The following RTP3 variants were observed in gnomAD, a reference collection of about 807,000 sequenced individuals.
RTP3 encodes receptor transporter protein 3.
A neutral mutation model predicts 6.2 loss-of-function variants in RTP3; 2 were observed. That is an observed-to-expected ratio of 0.32 (90% CI 0.13 to 1.02). RTP3 has a LOEUF of 1.02. Among genes scored for constraint, RTP3 ranks in the 50% least tolerant of loss-of-function variants. The probability of loss-of-function intolerance (pLI) is 0.47; values close to 1 mark genes in which losing one functional copy is unlikely to be tolerated. For synonymous variants in RTP3, 106 were observed against 98.3 expected (o/e 1.08, Z -0.47); for missense variants, 252 against 280.8 (o/e 0.90, Z 0.73).
At position 46,500,247 on chromosome 3, in the gene RTP3, C is replaced by A. The variant is rs989641443; in HGVS notation, c.156-109C>A. Reference sequence around the variant, plus strand: ...AATTTCTTCCACCACTGAGCCACAGCCCCAGTCAAGTCATGTCTCTGTGCA... The same window carrying A: ...AATTTCTTCCACCACTGAGCCACAGACCCAGTCAAGTCATGTCTCTGTGCA... On this transcript the variant is annotated intron_variant, in intron 1 of 1. Transcript: ENST00000296142. 24 of 1,217,756 alleles carry A rather than the reference C, an allele frequency of 2.0e-5. No individual in the cohort carries two copies. In the East Asian group the frequency reaches 5.4e-4, roughly 27 times the overall value. 75.4% of individuals were successfully genotyped at this position (1,217,756 alleles called of 1,614,324 possible).
At chr3:46,500,261 T>C (rs1703690811) in intron 1 of RTP3, 95 bp from the exon 2 acceptor site, 6 of 1,368,596 alleles carry the variant, frequency 4.4e-6, no homozygotes, top group Non-Finnish European at 9.9e-7. Context: ...AGTCAAGTCA[T>C]GTCTCTGTGC....
Position 46,500,643 on chromosome 3 carries a change from C to T in RTP3, c.443C>T (p.Pro148Leu). Reference protein sequence around the residue: ...PMIKDISLEGPHNSDNCEACL... With the variant: ...PMIKDISLEGLHNSDNCEACL... ...ATCAAGGACATCTCTCTTGAAGGGC[C>T]ACACAATAGTGACAACTGTGAGGCA... is the stretch of plus-strand genomic sequence containing the variant. Residue 148 changes from proline to leucine, a missense_variant, in exon 2 of 2, where the codon CCA becomes CTA. Transcript: ENST00000296142. 1 of 1,614,062 alleles carries T rather than the reference C, an allele frequency of 6.2e-7. No homozygotes were observed. The highest frequency in any genetic ancestry group is 2.2e-5 in the East Asian group (1 of 44,890).
rs1464581294 is a variant in RTP3, at chr3:46,500,496, C to T, written c.296C>T (p.Pro99Leu). The T allele has an allele frequency of 1.2e-6, 2 of 1,614,066 alleles. No individual in the cohort carries two copies. Among genetic ancestry groups the T allele is most frequent in the Non-Finnish European group, 1.7e-6 (2 of 1,180,042 alleles). ...FTQRCKKCPQ[P>L]LFEDPEFTQE... Reference sequence around the variant, plus strand: ...CAGAGATGTAAGAAGTGCCCCCAACCTCTGTTTGAGGACCCTGAGTTCACA... The same window carrying T: ...CAGAGATGTAAGAAGTGCCCCCAACTTCTGTTTGAGGACCCTGAGTTCACA... Residue 99 changes from proline (P) to leucine (L), a missense_variant, in exon 2 of 2, where the codon CCT (proline) becomes CTT (leucine). Coordinates refer to ENST00000296142, the MANE Select transcript of RTP3 (RefSeq NM_031440.2).
At chr3:46,500,309 G>A (rs928038094) in intron 1 of RTP3, 47 bp from the exon 2 acceptor site, 4 of 1,537,754 alleles carry the variant, frequency 2.6e-6, no homozygotes, top group Non-Finnish European at 3.5e-6. Context: ...AGTTCCCCGT[G>A]ATTTGGTCAC....
chr3:46,498,604 G>A (rs1265119935), intron 1 of RTP3, among the ~76,000 whole-genome samples: 1 of 152,188 alleles, frequency 6.6e-6, no homozygotes, highest in Non-Finnish European at 1.5e-5. Context: ...TCACGGCACT[G>A]AGCAGACACC....
rs756456092 is a variant in RTP3 at position 46,500,333 on chromosome 3, G to A, written c.156-23G>A. 2.5e-6 allele frequency: 4 copies of A among 1,574,760 alleles called. No individual in the cohort carries two copies. The African/African-American group carries it at 4.1e-5, about 16-fold the overall frequency. On this transcript the variant is annotated intron_variant, in intron 1 of 1. Transcript: ENST00000296142. Reference sequence around the variant, plus strand: ...TGATTTGGTCACATGGAGCCAGGCTGAGACTCTCTTCTGTCTCCACAGGTT... The same window carrying A: ...TGATTTGGTCACATGGAGCCAGGCTAAGACTCTCTTCTGTCTCCACAGGTT...
At position 46,500,551 on chromosome 3, in the gene RTP3, C is replaced by A; in HGVS notation, c.351C>A (p.Asn117Lys). The A allele has an allele frequency of 1.2e-6, 2 of 1,614,238 alleles. No individual in the cohort carries two copies. The highest frequency in any genetic ancestry group is 1.7e-6 in the Non-Finnish European group (2 of 1,180,044). The stretch of plus-strand genomic sequence containing the variant: ...AGAACATCTCAAGGATCCTGAAAAA[C>A]CTGGTGTTCCGAATTCTGAAGAAAT... Reference protein sequence around the residue: ...TQENISRILKNLVFRILKKCY... With the variant: ...TQENISRILKKLVFRILKKCY... Residue 117 changes from asparagine to lysine, a missense_variant, in exon 2 of 2, where the codon AAC becomes AAA. Transcript: ENST00000296142.
At chr3:46,498,810 G>C (rs979871602) in intron 1 of RTP3, among the ~76,000 whole-genome samples, 1 of 152,248 alleles carries the variant, frequency 6.6e-6, no homozygotes, top group Non-Finnish European at 1.5e-5. Context: ...GGTGGAGGCC[G>C]GGTCCCACCC....
At chr3:46,500,077 C>A (rs537262484) in intron 1 of RTP3, among the ~76,000 whole-genome samples, 2 of 152,316 alleles carry the variant, frequency 1.3e-5, no homozygotes, top group East Asian at 3.9e-4. Context: ...GAGTGTGCCT[C>A]ATCTCTAAAA....
intron 1 of RTP3, 128 bp downstream of exon 1, chr3:46,498,345 A>G (rs1326086878): frequency 9.8e-7 from 1 of 1,024,780 alleles, no homozygotes; most frequent in Non-Finnish European, 1.5e-6. Context: ...GATGCCCATC[A>G]TCCAAGAAGT....
chr3:46,498,468 G>A (rs1703671927), intron 1 of RTP3, among the ~76,000 whole-genome samples: 1 of 152,174 alleles, frequency 6.6e-6, no homozygotes, highest in Admixed American at 6.5e-5. Flanking sequence ...GTCTGTGGGG[G>A]TGGGGAGAGG....
At position 46,500,705 on chromosome 3, in the gene RTP3, A is replaced by G. The variant is rs773502561; in HGVS notation, c.505A>G (p.Thr169Ala). 5 of 1,613,890 alleles carry G rather than the reference A, an allele frequency of 3.1e-6. No individual in the cohort carries two copies. The Admixed American group carries it at 6.7e-5, about 22-fold the overall frequency. Residue 169 changes from threonine (T) to alanine (A), a missense_variant, in exon 2 of 2, where the codon ACA becomes GCA. Physicochemically the swap from Thr to Ala is moderately conservative, Grantham distance 58 (BLOSUM62 0). Coordinates refer to ENST00000296142, the MANE Select transcript of RTP3 (RefSeq NM_031440.2). ...CTTCTGTGCTGGGCCCATACAGGTT[A>G]CAAGCCTCCCCCCATCTCAGACCCC... ...QGFCAGPIQV[T>A]SLPPSQTPRV...
At chr3:46,498,582 A>T (rs925393808) in intron 1 of RTP3, among the ~76,000 whole-genome samples, 1 of 152,152 alleles carries the variant, frequency 6.6e-6, no homozygotes. Flanking sequence ...TGGAGCCCCT[A>T]GGAGGAGAGA....
intron 1 of RTP3, among the ~76,000 whole-genome samples, chr3:46,499,486 T>C (rs1703682852): frequency 6.6e-6 from 1 of 152,186 alleles, no homozygotes; most frequent in Non-Finnish European, 1.5e-5. Context: ...TTGGTGAGCA[T>C]TAAATGTCTC....
In RTP3 at chr3:46,498,010, C is replaced by T. The variant is rs1354676224; in HGVS notation, c.-53C>T. On this transcript the variant is annotated 5_prime_UTR_variant, in exon 1 of 2. Coordinates refer to ENST00000296142, the MANE Select transcript of RTP3 (RefSeq NM_031440.2). ...CAGAAACCTCATCTCCCACTACAGA[C>T]CTGCCAGGGCCCAGGAGAGCTCGAC... The T allele has an allele frequency of 1.2e-6, 2 of 1,603,712 alleles. No homozygotes were observed. Among genetic ancestry groups the T allele is most frequent in the Non-Finnish European group, 8.5e-7 (1 of 1,171,590 alleles).
At position 46,500,612 on chromosome 3, in the gene RTP3, C is replaced by T. The variant is rs1703696277; in HGVS notation, c.412C>T (p.Pro138Ser). Reference protein sequence around the residue: ...RGRFQLIEEVPMIKDISLEGP... With the variant: ...RGRFQLIEEVSMIKDISLEGP... Reference sequence around the variant, plus strand: ...AAGATTTCAGTTGATAGAGGAGGTTCCTATGATCAAGGACATCTCTCTTGA... The same window carrying T: ...AAGATTTCAGTTGATAGAGGAGGTTTCTATGATCAAGGACATCTCTCTTGA... The change falls in exon 2 of 2, where the codon CCT becomes TCT. Residue 138 changes from proline (P) to serine (S), a missense_variant. Transcript: ENST00000296142. 6.2e-7 allele frequency: 1 copy of T among 1,614,154 alleles called. No individual in the cohort carries two copies. Among genetic ancestry groups the T allele is most frequent in the South Asian group, 1.1e-5 (1 of 91,078 alleles).
intron 1 of RTP3, among the ~76,000 whole-genome samples, chr3:46,498,758 G>A (rs1703674958): frequency 6.6e-6 from 1 of 152,230 alleles, no homozygotes; most frequent in Non-Finnish European, 1.5e-5. Context: ...GTGGAAATGG[G>A]GAGCCCCAAG....
chr3:46,498,004 T>C lies in RTP3; in HGVS notation c.-59T>C. The C allele has an allele frequency of 6.3e-7, 1 of 1,597,784 alleles. No homozygotes were observed. Among genetic ancestry groups the C allele is most frequent in the Non-Finnish European group, 8.6e-7 (1 of 1,166,484 alleles). On this transcript the variant is annotated 5_prime_UTR_variant, in exon 1 of 2. Transcript: ENST00000296142. ...TGAAGTCAGAAACCTCATCTCCCAC[T>C]ACAGACCTGCCAGGGCCCAGGAGAG... is the stretch of plus-strand genomic sequence containing the variant.
At position 46,500,386 on chromosome 3, in the gene RTP3, G is replaced by C. The variant is rs375563585; in HGVS notation, c.186G>C (p.Trp62Cys). The C allele has an allele frequency of 6.8e-5, 110 of 1,612,938 alleles. No homozygotes were observed. The highest frequency in any genetic ancestry group is 8.8e-5 in the Non-Finnish European group (104 of 1,179,720). The change falls in exon 2 of 2, where the codon TGG becomes TGC. Residue 62 changes from tryptophan to cysteine, a missense_variant. Trp to Cys is a radical substitution (Grantham distance 215). Coordinates refer to ENST00000296142, the MANE Select transcript of RTP3 (RefSeq NM_031440.2). ...AGTGCTCCTCCTGCTCTCGTAACTG[G>C]GCCTCTGCCCAAGTTCTGGTCCTTT... The part of the protein sequence containing the change: ...RFQCSSCSRN[W>C]ASAQVLVLFH...
Sources: gnomAD v4.1 joint callset for allele counts (sites outside exome capture counted in the v4.1 genomes callset) on GRCh38, gnomAD v4.1.1 for gene constraint, MANE v1.5 for transcripts, NCBI Gene and HGNC (gene_info 2026-07-23, HGNC 2026-07-21) for gene names.